RNF19A: variants seen among roughly 807,000 people sequenced by gnomAD.
RNF19A encodes the protein E3 ubiquitin-protein ligase RNF19A.
RNF19A carries 32 observed loss-of-function variants against 75.7 expected under a neutral mutation model. That is an observed-to-expected ratio of 0.42 (90% confidence interval 0.32 to 0.57). The LOEUF (loss-of-function observed/expected upper bound fraction) is 0.57. Ranked by LOEUF, RNF19A falls within the 20% of genes least tolerant of loss-of-function variation. The pLI is 0.10. For missense variants in RNF19A, 782 were observed against 1,036.3 expected, an observed-to-expected ratio of 0.75 and a Z score of 3.37; for synonymous variants, 335 against 345.2, an observed-to-expected ratio of 0.97 and a Z score of 0.33.
chr8:100,289,449 G>GT (rs1190224708), intron 1 of RNF19A, among the ~76,000 whole-genome samples: 4 of 152,152 alleles, frequency 2.6e-5, no homozygotes, highest in African/African-American at 7.2e-5. Flanking sequence ...CCCAGACTAT[G>GT]TAAAGAATGC....
rs994081816 is a variant in RNF19A at position 100,261,441 on chromosome 8, T to G, written c.1682+101A>C. The G allele has an allele frequency of 1.2e-5, 12 of 1,025,580 alleles. No homozygotes were observed. The African/African-American group carries it at 1.7e-4, about 15-fold the overall frequency. The allele number at this position is 1,025,580 out of a possible 1,614,324, so 63.5% of individuals were successfully genotyped here. On this transcript the variant is annotated intron_variant, in intron 8 of 9. Transcript: ENST00000341084. The surrounding 1 kb of genome is among the most constrained non-coding windows in gnomAD (Gnocchi z 4.4). ...ATTACTATTTTGAACCTTGACATAGTAGGGTTATATATAATCATCATGCTT... is the reference window on the plus strand; with the variant it reads ...ATTACTATTTTGAACCTTGACATAGGAGGGTTATATATAATCATCATGCTT...
chr8:100,317,216 C>T lies in RNF19A; in HGVS notation c.-242-3844G>A, dbSNP rs1239786659. Among the ~76,000 whole-genome samples the T allele has an allele frequency of 2.6e-5, 4 of 151,800 alleles. No homozygotes were observed. In the East Asian group the frequency reaches 7.7e-4, roughly 29 times the overall value. ...GGGAGTGGGCTCCAGCCTTGGCCAG[C>T]CCAGAAAGGGGCTCTCACAGTGCAG... On this transcript the variant is annotated intron_variant, in intron 1 of 3. Coordinates refer to the RNF19A transcript ENST00000519527. The surrounding 1 kb of genome is among the most constrained non-coding windows in gnomAD (Gnocchi z 4.3).
chr8:100,280,341 A>G (rs1291834105), intron 2 of RNF19A, among the ~76,000 whole-genome samples: 1 of 152,194 alleles, frequency 6.6e-6, no homozygotes, highest in Non-Finnish European at 1.5e-5. Context: ...AAGATTATAC[A>G]TATGTAGTGT....
rs150255906 is a variant in RNF19A at position 100,264,745 on chromosome 8, T to C, written c.1232A>G (p.Lys411Arg). The change falls in exon 6 of 10, where the codon AAA becomes AGA. Residue 411 changes from lysine to arginine, a missense_variant. Coordinates refer to ENST00000341084, the MANE Select transcript of RNF19A (RefSeq NM_183419.4). The surrounding 1 kb of genome is among the most constrained non-coding windows in gnomAD (Gnocchi z 4.7). ...ACCACCTGCTATGGCCAAATTCCGT[T>C]TGTGCTTTGAAACATCCTTGCCTTC... The part of the protein sequence containing the change: ...RYEGKDVSKH[K>R]RNLAIAGGVT... The C allele has an allele frequency of 1.0e-3, 1,665 of 1,613,742 alleles. 14 individuals carry two copies. The highest frequency in any genetic ancestry group is 1.3e-3 in the African/African-American group (96 of 75,036).
intron 1 of RNF19A, chr8:100,300,650 C>G (rs181973236): frequency 2.0e-5 from 3 of 151,622 alleles, no homozygotes. Context: ...GAGGCCCTGT[C>G]TCTGAAAAAA....
chr8:100,309,492 G>C, intron 1 of RNF19A: 2 of 985,552 alleles, frequency 2.0e-6, no homozygotes, highest in Non-Finnish European at 2.4e-6. Flanking sequence ...AGGGGCAGGA[G>C]ACAGCTCGAG....
rs1365938916 is a variant in RNF19A, at chr8:100,325,419, T to C, written c.-243+10689A>G. On this transcript the variant is annotated intron_variant, in intron 1 of 3. Coordinates refer to the RNF19A transcript ENST00000519527. This position sits in a 1 kb window ranked among gnomAD's most constrained non-coding sequence, Gnocchi z 4.3. The stretch of plus-strand genomic sequence containing the variant: ...TATGGTGTCTGCTAATTTGCCCCTC[T>C]GTTTAACCTGGCCAGTTTCATGATC... 6.6e-6 allele frequency among the ~76,000 whole-genome samples: 1 copy of C among 152,200 alleles called. No individual in the cohort carries two copies. The highest frequency in any genetic ancestry group is 2.4e-5 in the African/African-American group (1 of 41,450).
chr8:100,320,952 A>C (rs1481122509), intron 1 of RNF19A, among the ~76,000 whole-genome samples: 1 of 152,238 alleles, frequency 6.6e-6, no homozygotes, highest in Non-Finnish European at 1.5e-5. Flanking sequence ...TTAATTTAAA[A>C]ATACTTCATT....
At chr8:100,303,610 A>T (rs559903549) in intron 1 of RNF19A, among the ~76,000 whole-genome samples, 1 of 152,184 alleles carries the variant, frequency 6.6e-6, no homozygotes, top group South Asian at 2.1e-4. Context: ...AATCTAAAGG[A>T]TATTTAACGT....
chr8:100,325,252 G>A lies in RNF19A; in HGVS notation c.-243+10856C>T, dbSNP rs1229877051. ...TAGAAAATCCTAGAAGAAGAAACAT[G>A]TTTGATACTGAAGGCAGAGAACTTA... On this transcript the variant is annotated intron_variant, in intron 1 of 3. Transcript: ENST00000519527. This position sits in a 1 kb window ranked among gnomAD's most constrained non-coding sequence, Gnocchi z 4.3. 6.6e-6 allele frequency among the ~76,000 whole-genome samples: 1 copy of A among 152,160 alleles called. No homozygotes were observed. Among genetic ancestry groups the A allele is most frequent in the Non-Finnish European group, 1.5e-5 (1 of 68,034 alleles).
At position 100,257,800 on chromosome 8, in the gene RNF19A, A is replaced by AT. The variant is rs1819525789; in HGVS notation, c.*755dup. On this transcript the variant is annotated 3_prime_UTR_variant, in exon 10 of 10. Transcript: ENST00000341084. The stretch of plus-strand genomic sequence containing the variant: ...CAAACTTCCCCTTAGAGAAAGGTGG[A>AT]TTTTTTGTAATACTTATAACCTAAT... The AT allele has an allele frequency of 5.2e-6, 2 of 383,774 alleles. No homozygotes were observed. The highest frequency in any genetic ancestry group is 9.2e-6 in the Non-Finnish European group (2 of 216,800). The allele number at this position is 383,774 out of a possible 1,614,324, so 23.8% of individuals were successfully genotyped here.
intron 1 of RNF19A, among the ~76,000 whole-genome samples, chr8:100,316,858 C>T (rs1220307280): frequency 6.6e-6 from 1 of 152,198 alleles, no homozygotes; most frequent in African/African-American, 2.4e-5. Context: ...GGCCGCACAG[C>T]AACTCATGGA....
In RNF19A at chr8:100,267,302, G is replaced by A. The variant is rs191383223; in HGVS notation, c.1191+1483C>T. Among the ~76,000 whole-genome samples the A allele has an allele frequency of 2.7e-4, 41 of 152,124 alleles. No homozygotes were observed. The East Asian group carries it at 7.1e-3, about 26-fold the overall frequency. On this transcript the variant is annotated intron_variant, in intron 5 of 9. Transcript: ENST00000341084. ...TTTAACACACAGAGACCGAAATATC[G>A]AGGTTGCTGCAGGGTTAAAATAAGT... is the stretch of plus-strand genomic sequence containing the variant.
intron 1 of RNF19A, among the ~76,000 whole-genome samples, chr8:100,334,736 A>G (rs569236539): frequency 1.5e-4 from 23 of 152,292 alleles, no homozygotes; most frequent in African/African-American, 5.3e-4. Flanking sequence ...CCCATTCAGC[A>G]CTTTCCTGTC....
chr8:100,264,056 A>G lies in RNF19A; in HGVS notation c.1446T>C (p.Val482=). ...IEFDDENDIN[V]GGTNTAVDTT... is the part of the protein sequence containing the mutation. Reference sequence around the variant, plus strand: ...TACCTACAGCTGTGTTAGTTCCACCAACATTTATATCATTTTCATCATCAA... The same window carrying G: ...TACCTACAGCTGTGTTAGTTCCACCGACATTTATATCATTTTCATCATCAA... Residue 482 remains valine, a synonymous_variant, in exon 7 of 10, where the codon GTT becomes GTC. Transcript: ENST00000341084. This position sits in a 1 kb window ranked among gnomAD's most constrained non-coding sequence, Gnocchi z 4.7. 1 of 1,613,696 alleles carries G rather than the reference A, an allele frequency of 6.2e-7. No individual in the cohort carries two copies. The highest frequency in any genetic ancestry group is 1.1e-5 in the South Asian group (1 of 91,064).
chr8:100,305,743 T>C (rs1374613203), intron 1 of RNF19A, among the ~76,000 whole-genome samples: 9 of 152,194 alleles, frequency 5.9e-5, no homozygotes, highest in African/African-American at 1.9e-4. Context: ...ACAAAGAAAA[T>C]GGTCCCTGCC....
Position 100,323,346 on chromosome 8 carries a change from A to G in RNF19A, c.-242-9974T>C. ...TATTTTCCTTTTCCTTTCACATTGT[A>G]TTTAATTCATATTCTTGGCAGAATC... On this transcript the variant is annotated intron_variant, in intron 1 of 3. Coordinates refer to the RNF19A transcript ENST00000519527. This position sits in a 1 kb window ranked among gnomAD's most constrained non-coding sequence, Gnocchi z 4.6. Among the ~76,000 whole-genome samples the G allele has an allele frequency of 6.6e-6, 1 of 152,226 alleles. No homozygotes were observed. The highest frequency in any genetic ancestry group is 2.4e-5 in the African/African-American group (1 of 41,464).
intron 1 of RNF19A, among the ~76,000 whole-genome samples, chr8:100,304,350 C>T (rs1821976431): frequency 6.6e-6 from 1 of 152,190 alleles, no homozygotes. Context: ...AACTGCCTAC[C>T]AGGTAACCAC....
Position 100,330,964 on chromosome 8 carries a change from G to C in RNF19A, c.-243+5144C>G, listed in dbSNP as rs747652807. ...AATCTGACTCCCTTGTAACATTTTT[G>C]CAGGGAATCTTCTTTTCACTTCTAA... is the stretch of plus-strand genomic sequence containing the variant. On this transcript the variant is annotated intron_variant, in intron 1 of 3. Coordinates refer to the RNF19A transcript ENST00000519527. This position sits in a 1 kb window ranked among gnomAD's most constrained non-coding sequence, Gnocchi z 4.1. 3.3e-5 allele frequency among the ~76,000 whole-genome samples: 5 copies of C among 152,162 alleles called. No individual in the cohort carries two copies. Among genetic ancestry groups the C allele is most frequent in the African/African-American group, 9.7e-5 (4 of 41,426 alleles).
Sources: gnomAD v4.1 joint callset for allele counts (sites outside exome capture counted in the v4.1 genomes callset) on GRCh38, gnomAD v4.1.1 for gene constraint, Gnocchi (gnomAD v3.1) non-coding constraint, MANE v1.5 for transcripts, NCBI Gene and HGNC (gene_info 2026-07-23, HGNC 2026-07-21) for gene names.